Variants in ADAMTS3 observed in about 807,000 individuals in gnomAD.
ADAMTS3 encodes ADAM metallopeptidase with thrombospondin type 1 motif 3.
In ADAMTS3, 73 loss-of-function variants were observed where a neutral mutation model predicts 129.0. The observed-to-expected ratio is 0.57, with a 90% CI of 0.47 to 0.69. The LOEUF is 0.69. Among genes scored for constraint, ADAMTS3 ranks in the 30% least tolerant of loss-of-function variants. The probability of loss-of-function intolerance (pLI) is 0.00; values close to 1 mark genes in which losing one functional copy is unlikely to be tolerated. For missense variants in ADAMTS3, 1,457 were observed against 1,514.5 expected, an observed-to-expected ratio of 0.96 and a Z score of 0.63; for synonymous variants, 477 against 510.8, an observed-to-expected ratio of 0.93 and a Z score of 0.89.
chr4:72,309,524 G>C lies in ADAMTS3; in HGVS notation c.2056-4C>G. 1 of 1,610,882 alleles carries C rather than the reference G, an allele frequency of 6.2e-7. No individual in the cohort carries two copies. Among genetic ancestry groups the C allele is most frequent in the African/African-American group, 1.3e-5 (1 of 74,814 alleles). On this transcript the variant is annotated splice_polypyrimidine_tract_variant and splice_region_variant and intron_variant, in intron 14 of 21. Coordinates refer to ENST00000286657, the MANE Select transcript of ADAMTS3 (RefSeq NM_014243.3). Reference sequence around the variant, plus strand: ...TTTCTTTATCACAGCCCACTTTCTGGAGAGAGAAGATGTCAAATGTGGCTA... The same window carrying C: ...TTTCTTTATCACAGCCCACTTTCTGCAGAGAGAAGATGTCAAATGTGGCTA...
At chr4:72,470,654 A>T (rs2109993491) in intron 3 of ADAMTS3, among the ~76,000 whole-genome samples, 1 of 152,004 alleles carries the variant, frequency 6.6e-6, no homozygotes, top group African/African-American at 2.4e-5. Context: ...TAATATGAAG[A>T]TGTTTTCACC....
intron 3 of ADAMTS3, among the ~76,000 whole-genome samples, chr4:72,485,635 ACTTTT>A (rs1204306728): frequency 5.3e-5 from 8 of 152,084 alleles, no homozygotes; most frequent in Non-Finnish European, 1.2e-4. Flanking sequence ...CAAAACACAA[ACTTTT>A]CTTTTCTCTC....
rs537968472 is a variant in ADAMTS3, at chr4:72,492,497, T to G, written c.504+55981A>C. ...TTTAATTTTCAGTGTAGAGCTTAGTTTCCATATATTTGTGAATTTTTCACT... is the reference window on the plus strand; with the variant it reads ...TTTAATTTTCAGTGTAGAGCTTAGTGTCCATATATTTGTGAATTTTTCACT... On this transcript the variant is annotated intron_variant, in intron 3 of 21. Transcript: ENST00000286657. Among the ~76,000 whole-genome samples, 3 of 151,504 alleles carry G rather than the reference T, an allele frequency of 2.0e-5. No homozygotes were observed. The South Asian group carries it at 6.2e-4, about 31-fold the overall frequency.
At chr4:72,400,832 T>G (rs182845051) in intron 4 of ADAMTS3, among the ~76,000 whole-genome samples, 5 of 151,136 alleles carry the variant, frequency 3.3e-5, no homozygotes, top group South Asian at 4.2e-4. Flanking sequence ...ACACATGGTG[T>G]GTATATATAT....
chr4:72,536,430 G>A (rs187158404), intron 3 of ADAMTS3, among the ~76,000 whole-genome samples: 193 of 152,224 alleles, frequency 1.3e-3, no homozygotes, highest in African/African-American at 4.5e-3. Flanking sequence ...TTACTGCAGC[G>A]TATTTTATTT....
intron 3 of ADAMTS3, among the ~76,000 whole-genome samples, chr4:72,530,690 ATT>A (rs1349306672): frequency 6.6e-5 from 6 of 91,004 alleles, no homozygotes; most frequent in African/African-American, 2.7e-4. Context: ...TATAATATAT[ATT>A]GTATCATATA....
intron 12 of ADAMTS3, 22 bp downstream of exon 12, chr4:72,313,655 A>G (rs1309496233): frequency 6.2e-7 from 1 of 1,609,516 alleles, no homozygotes; most frequent in Admixed American, 1.7e-5. Context: ...AAAAATAACA[A>G]GAGTTACAAG....
At chr4:72,386,588 G>A (rs774906655) in intron 4 of ADAMTS3, among the ~76,000 whole-genome samples, 50 of 152,028 alleles carry the variant, frequency 3.3e-4, no homozygotes, top group Non-Finnish European at 6.8e-4. Context: ...AGGGATGGGG[G>A]AAGAGAGAGA....
At chr4:72,534,977 T>C (rs1427356926) in intron 3 of ADAMTS3, among the ~76,000 whole-genome samples, 2 of 152,208 alleles carry the variant, frequency 1.3e-5, no homozygotes, top group Non-Finnish European at 2.9e-5. Context: ...CATTTTTATA[T>C]GCTAAGTCTA....
At chr4:72,371,185 C>T (rs1720995998) in intron 4 of ADAMTS3, among the ~76,000 whole-genome samples, 2 of 151,944 alleles carry the variant, frequency 1.3e-5, no homozygotes, top group African/African-American at 4.8e-5. Context: ...GACCTCTAGC[C>T]AACAGACTAT....
intron 19 of ADAMTS3, among the ~76,000 whole-genome samples, chr4:72,292,070 T>C (rs182108684): frequency 9.2e-5 from 14 of 152,346 alleles, no homozygotes; most frequent in African/African-American, 3.4e-4. Flanking sequence ...TCACTCTCAG[T>C]TACATTGCCT....
At chr4:72,557,170 A>C (rs1271008408) in intron 2 of ADAMTS3, among the ~76,000 whole-genome samples, 3 of 151,906 alleles carry the variant, frequency 2.0e-5, no homozygotes, top group Non-Finnish European at 4.4e-5. Context: ...AGCATTTTCA[A>C]GATCATCTAA....
chr4:72,283,289 C>G lies in ADAMTS3; in HGVS notation c.3465G>C (p.Arg1155Ser). 6.2e-7 allele frequency: 1 copy of G among 1,613,944 alleles called. No individual in the cohort carries two copies. The change falls in exon 22 of 22, where the codon AGG becomes AGC. Residue 1155 changes from arginine (R) to serine (S), a missense_variant. By Grantham distance (110) the Arg-to-Ser change is moderately radical. Coordinates refer to ENST00000286657, the MANE Select transcript of ADAMTS3 (RefSeq NM_014243.3). ...TTTGTGAAGCTGAACTGAGGTGGAC[C>G]CTCTTGGTGGGTGGGGAGGATGGTA... Reference protein sequence around the residue: ...VTVPSSPPTKRVHLSSASQMA... With the variant: ...VTVPSSPPTKSVHLSSASQMA...
intron 3 of ADAMTS3, among the ~76,000 whole-genome samples, chr4:72,467,131 C>T (rs1190990652): frequency 6.6e-6 from 1 of 152,056 alleles, no homozygotes; most frequent in Non-Finnish European, 1.5e-5. Context: ...CCATAGTCAG[C>T]CAAACCTGAA....
intron 10 of ADAMTS3, among the ~76,000 whole-genome samples, 183 bp from the exon 11 acceptor site, chr4:72,316,154 T>C (rs1719390339): frequency 6.6e-6 from 1 of 152,234 alleles, no homozygotes. Context: ...ACTTTTATTC[T>C]GCTTTTCTAA....
At chr4:72,393,397 C>T (rs1302395922) in intron 4 of ADAMTS3, among the ~76,000 whole-genome samples, 1 of 152,114 alleles carries the variant, frequency 6.6e-6, no homozygotes, top group Non-Finnish European at 1.5e-5. Context: ...TAACACATTT[C>T]CTCTTTGTTG....
At chr4:72,323,908 A>G (rs1719630737) in intron 5 of ADAMTS3, among the ~76,000 whole-genome samples, 1 of 152,206 alleles carries the variant, frequency 6.6e-6, no homozygotes, top group African/African-American at 2.4e-5. Context: ...ATTATCTGAC[A>G]TGCAAAACAC....
intron 3 of ADAMTS3, among the ~76,000 whole-genome samples, chr4:72,504,994 C>G (rs1320686426): frequency 6.6e-6 from 1 of 152,150 alleles, no homozygotes; most frequent in Non-Finnish European, 1.5e-5. Flanking sequence ...TGTTGATTTT[C>G]AACCTTGACT....
intron 18 of ADAMTS3, among the ~76,000 whole-genome samples, chr4:72,296,801 T>C (rs1232360342): frequency 1.3e-5 from 2 of 152,226 alleles, no homozygotes; most frequent in African/African-American, 2.4e-5. Context: ...CCCTATCATG[T>C]TATTTATGGC....
Sources: allele counts gnomAD v4.1 joint callset (sites outside exome capture counted in the v4.1 genomes callset), GRCh38; gene constraint gnomAD v4.1.1; transcripts MANE v1.5; gene names NCBI Gene and HGNC (gene_info 2026-07-23, HGNC 2026-07-21).